KCNH8: variants seen among roughly 807,000 people sequenced by gnomAD.
The protein encoded by KCNH8 is potassium voltage-gated channel subfamily H member 8.
KCNH8 carries 70 observed loss-of-function variants against 103.6 expected under a neutral mutation model. The ratio of observed to expected loss-of-function variants is 0.68; its 90% confidence interval spans 0.56 to 0.82. The LOEUF (loss-of-function observed/expected upper bound fraction) is 0.82. Among genes scored for constraint, KCNH8 ranks in the 40% least tolerant of loss-of-function variants. The pLI is 0.00. For missense variants in KCNH8, 1,217 were observed against 1,329.9 expected, an observed-to-expected ratio of 0.92 and a Z score of 1.32; for synonymous variants, 498 against 489.4, an observed-to-expected ratio of 1.02 and a Z score of -0.23.
intron 2 of KCNH8, among the ~76,000 whole-genome samples, chr3:19,256,709 G>A (rs2064351496): frequency 6.6e-6 from 1 of 152,024 alleles, no homozygotes; most frequent in Non-Finnish European, 1.5e-5. Context: ...AGAAAGTATG[G>A]CGTACAGGTT....
intron 2 of KCNH8, among the ~76,000 whole-genome samples, chr3:19,276,239 A>G (rs1346828350): frequency 6.6e-6 from 1 of 150,386 alleles, no homozygotes; most frequent in East Asian, 2.0e-4. Context: ...TCTCTGGACT[A>G]ATTTCTAAAA....
intron 7 of KCNH8, among the ~76,000 whole-genome samples, chr3:19,415,643 G>A (rs1249875848): frequency 2.0e-5 from 3 of 151,984 alleles, no homozygotes; most frequent in East Asian, 3.8e-4. Context: ...ATATGTACAA[G>A]TGTACTTGCT....
At chr3:19,374,427 G>C (rs576653847) in intron 5 of KCNH8, among the ~76,000 whole-genome samples, 2,478 of 151,858 alleles carry the variant, frequency 0.016, 35 homozygotes, top group Non-Finnish European at 0.027. Context: ...GACTAGGATT[G>C]CAACCCCTGC....
intron 9 of KCNH8, 136 bp from the exon 10 acceptor site, chr3:19,451,019 C>T (rs1451358003): frequency 1.3e-6 from 1 of 780,904 alleles, no homozygotes; most frequent in Non-Finnish European, 2.1e-6. Context: ...ATTATACATA[C>T]TTAGATTTCC....
At chr3:19,437,273 A>G (rs1380506742) in intron 7 of KCNH8, among the ~76,000 whole-genome samples, 1 of 152,138 alleles carries the variant, frequency 6.6e-6, no homozygotes, top group African/African-American at 2.4e-5. Flanking sequence ...ATAAAATCTT[A>G]AGGGACAAAT....
chr3:19,385,341 G>C (rs1311287752), intron 5 of KCNH8, among the ~76,000 whole-genome samples: 1 of 151,870 alleles, frequency 6.6e-6, no homozygotes, highest in Non-Finnish European at 1.5e-5. Flanking sequence ...ATAGAAAAAA[G>C]AAAATTTTTC....
At chr3:19,245,830 C>T (rs529693529) in intron 1 of KCNH8, among the ~76,000 whole-genome samples, 33 of 152,264 alleles carry the variant, frequency 2.2e-4, no homozygotes, top group African/African-American at 7.5e-4. Context: ...TCAGTTCTAG[C>T]AGCCTTTTGG....
intron 2 of KCNH8, 72 bp downstream of exon 2, chr3:19,253,959 C>T (rs2064313404): frequency 2.1e-5 from 22 of 1,029,918 alleles, no homozygotes; most frequent in Non-Finnish European, 2.6e-5. Flanking sequence ...GTAATTGCTC[C>T]GCAACTCCCA....
intron 1 of KCNH8, among the ~76,000 whole-genome samples, chr3:19,215,848 C>T (rs2063813311): frequency 6.6e-6 from 1 of 152,224 alleles, no homozygotes; most frequent in South Asian, 2.1e-4. Flanking sequence ...GCCATGTTTT[C>T]TTTGTGGCTG....
chr3:19,166,247 T>A (rs2063282380), intron 1 of KCNH8, among the ~76,000 whole-genome samples: 1 of 152,216 alleles, frequency 6.6e-6, no homozygotes, highest in Admixed American at 6.5e-5. Context: ...TTAAAATGGC[T>A]TTTTTATTTC....
intron 5 of KCNH8, among the ~76,000 whole-genome samples, chr3:19,374,069 A>C (rs571041495): frequency 6.6e-6 from 1 of 152,124 alleles, no homozygotes; most frequent in African/African-American, 2.4e-5. Flanking sequence ...GTGGTGCTCA[A>C]AAAAATGTAT....
At chr3:19,275,187 A>G (rs1419928025) in intron 2 of KCNH8, among the ~76,000 whole-genome samples, 1 of 151,984 alleles carries the variant, frequency 6.6e-6, no homozygotes, top group Non-Finnish European at 1.5e-5. Flanking sequence ...CATAATTTAC[A>G]ATCCACCATT....
intron 1 of KCNH8, among the ~76,000 whole-genome samples, chr3:19,168,423 A>G (rs2063306814): frequency 1.3e-5 from 2 of 152,202 alleles, no homozygotes; most frequent in Admixed American, 1.3e-4. Context: ...TCTACTAAAC[A>G]TCATTTCCTT....
chr3:19,313,988 C>T (rs563042343), intron 3 of KCNH8, among the ~76,000 whole-genome samples: 19 of 151,808 alleles, frequency 1.3e-4, no homozygotes, highest in South Asian at 4.2e-4. Context: ...ATTTGAACTT[C>T]GAATGTACTT....
At chr3:19,168,885 C>T (rs1482085518) in intron 1 of KCNH8, among the ~76,000 whole-genome samples, 1 of 152,154 alleles carries the variant, frequency 6.6e-6, no homozygotes, top group Non-Finnish European at 1.5e-5. Flanking sequence ...TTGAAGACAT[C>T]TCAGGGTCGG....
At chr3:19,495,084 A>G (rs549463402) in intron 11 of KCNH8, among the ~76,000 whole-genome samples, 142 of 152,268 alleles carry the variant, frequency 9.3e-4, no homozygotes, top group Non-Finnish European at 1.7e-3. Context: ...AGTTCCTTAT[A>G]GATTCTGGAT....
intron 3 of KCNH8, among the ~76,000 whole-genome samples, chr3:19,291,518 G>A (rs2064925299): frequency 6.6e-6 from 1 of 152,178 alleles, no homozygotes; most frequent in Non-Finnish European, 1.5e-5. Flanking sequence ...AGTCATTGAG[G>A]AGCAGGTTGT....
chr3:19,153,966 A>C (rs1435488261), intron 1 of KCNH8, among the ~76,000 whole-genome samples: 4 of 152,044 alleles, frequency 2.6e-5, no homozygotes, highest in African/African-American at 9.7e-5. Context: ...ATGAATACCA[A>C]CTTTACACAA....
chr3:19,368,902 T>C (rs1005518591), intron 5 of KCNH8, among the ~76,000 whole-genome samples: 1 of 152,030 alleles, frequency 6.6e-6, no homozygotes, highest in African/African-American at 2.4e-5. Flanking sequence ...ATATTTAAAG[T>C]TTAGTTACTT....
Sources: allele counts gnomAD v4.1 joint callset (sites outside exome capture counted in the v4.1 genomes callset), GRCh38; gene constraint gnomAD v4.1.1; transcripts MANE v1.5; gene names NCBI Gene and HGNC (gene_info 2026-07-23, HGNC 2026-07-21).